The following USP32 variants were observed in gnomAD, a reference collection of about 807,000 sequenced individuals.
USP32 encodes ubiquitin specific peptidase 32, also known as ubiquitin carboxyl-terminal hydrolase 32.
A neutral mutation model predicts 204.8 loss-of-function variants in USP32; 59 were observed. The observed-to-expected ratio is 0.29, with a 90% confidence interval of 0.23 to 0.36. The LOEUF is 0.36. Among genes scored for constraint, USP32 ranks in the 10% least tolerant of loss-of-function variants. The probability of loss-of-function intolerance (pLI) is 1.00; values close to 1 mark genes in which losing one functional copy is unlikely to be tolerated. For synonymous variants in USP32, 517 were observed against 678.4 expected, an observed-to-expected ratio of 0.76 and a Z score of 3.70; for missense variants, 1,160 against 1,946.4, an observed-to-expected ratio of 0.60 and a Z score of 7.60.
At chr17:60,389,331 TGA>T (rs1293371123) in intron 1 of USP32, among the ~76,000 whole-genome samples, 1 of 151,582 alleles carries the variant, frequency 6.6e-6, no homozygotes, top group Non-Finnish European at 1.5e-5. Flanking sequence ...CACCTGTGGT[TGA>T]GAGTTTGAGA....
intron 1 of USP32, among the ~76,000 whole-genome samples, chr17:60,360,096 C>T (rs549584696): frequency 1.3e-5 from 2 of 151,628 alleles, no homozygotes; most frequent in Non-Finnish European, 2.9e-5. Context: ...TCTTGATCTC[C>T]TGACCTCGTG....
At chr17:60,401,045 A>G (rs182402161) in intron 1 of USP32, among the ~76,000 whole-genome samples, 38 of 152,236 alleles carry the variant, frequency 2.5e-4, no homozygotes, top group Admixed American at 2.0e-3. Context: ...AGTCCCAGCT[A>G]CTTAGGAGGC....
intron 2 of USP32, among the ~76,000 whole-genome samples, chr17:60,333,635 A>G (rs9911352): frequency 0.16 from 24,292 of 150,120 alleles, 4,479 homozygotes; most frequent in African/African-American, 0.45. Context: ...TAAGAAAGAA[A>G]GAAGGAAGAA....
At chr17:60,338,102 T>A (rs530808693) in intron 2 of USP32, among the ~76,000 whole-genome samples, 3 of 152,016 alleles carry the variant, frequency 2.0e-5, no homozygotes, top group Non-Finnish European at 4.4e-5. Flanking sequence ...GACAGGCAGA[T>A]AGCTTGAGCC....
intron 1 of USP32, among the ~76,000 whole-genome samples, chr17:60,348,176 C>T (rs999568940): frequency 6.6e-6 from 1 of 150,674 alleles, no homozygotes; most frequent in Non-Finnish European, 1.5e-5. Flanking sequence ...TTTAAGGATA[C>T]TGAATATGGG....
chr17:60,214,796 T>C (rs2085060087), intron 16 of USP32, 22 bp from the exon 17 acceptor site: 1 of 1,613,718 alleles, frequency 6.2e-7, no homozygotes, highest in Non-Finnish European at 8.5e-7. Context: ...GTAATCACAG[T>C]AAGAAAAAAG....
At chr17:60,181,291 C>T (rs779933090) in intron 32 of USP32, 33 bp downstream of exon 32, 28 of 1,578,830 alleles carry the variant, frequency 1.8e-5, no homozygotes, top group Non-Finnish European at 2.3e-5. Context: ...AAACACAGAC[C>T]ACTCTCTGAA....
intron 2 of USP32, among the ~76,000 whole-genome samples, chr17:60,338,940 T>C (rs971298308): frequency 6.6e-6 from 1 of 152,158 alleles, no homozygotes; most frequent in African/African-American, 2.4e-5. Flanking sequence ...GACGGAGTCT[T>C]GCTCTGTTGC....
In USP32 at chr17:60,246,628, C is replaced by T. The variant is rs559761287; in HGVS notation, c.1136+5753G>A. 3.3e-5 allele frequency among the ~76,000 whole-genome samples: 5 copies of T among 152,254 alleles called. No homozygotes were observed. The East Asian group carries it at 9.6e-4, about 29-fold the overall frequency. ...ATTGGGGCACCTCCATACTGTTTTC[C>T]ATATTGACTGTACTAATTTACATTC... On this transcript the variant is annotated intron_variant, in intron 11 of 33. Transcript: ENST00000300896.
chr17:60,369,276 G>A (rs2089389943), intron 1 of USP32, among the ~76,000 whole-genome samples: 1 of 138,066 alleles, frequency 7.2e-6, no homozygotes, highest in African/African-American at 3.4e-5. Context: ...TTACAGGCGT[G>A]AGCCACCGCG....
chr17:60,418,290 A>C (rs2090077920), intron 1 of USP32, among the ~76,000 whole-genome samples: 1 of 149,296 alleles, frequency 6.7e-6, no homozygotes, highest in Non-Finnish European at 1.5e-5. Flanking sequence ...ACAGCATTTC[A>C]CCATCTTGGC....
At chr17:60,355,958 C>T (rs1005225150) in intron 1 of USP32, among the ~76,000 whole-genome samples, 2 of 150,824 alleles carry the variant, frequency 1.3e-5, no homozygotes, top group African/African-American at 4.9e-5. Context: ...TCACCTTCTC[C>T]CCAGCTATGC....
At chr17:60,202,524 G>C (rs113556293) in intron 26 of USP32, among the ~76,000 whole-genome samples, 2,408 of 150,084 alleles carry the variant, frequency 0.016, 53 homozygotes, top group African/African-American at 0.056. Context: ...GTCATCCGTA[G>C]ATTAGTTTGT....
upstream of USP32, chr17:60,392,156 T>TC: frequency 2.0e-6 from 1 of 503,210 alleles, no homozygotes; most frequent in Non-Finnish European, 3.5e-6. Context: ...CCCGCCCCCT[T>TC]CCCCTGCCTC....
chr17:60,403,875 A>T (rs2089955287), intron 1 of USP32, among the ~76,000 whole-genome samples: 1 of 152,024 alleles, frequency 6.6e-6, no homozygotes, highest in Non-Finnish European at 1.5e-5. Flanking sequence ...CTCTATGTCT[A>T]CAAAAAATTA....
chr17:60,356,517 G>A (rs1403173938), intron 1 of USP32, among the ~76,000 whole-genome samples: 1 of 152,160 alleles, frequency 6.6e-6, no homozygotes, highest in Non-Finnish European at 1.5e-5. Context: ...CGCCAAGGCT[G>A]AACTTATAGG....
chr17:60,246,387 G>A (rs1289300100), intron 11 of USP32, among the ~76,000 whole-genome samples: 1 of 151,042 alleles, frequency 6.6e-6, no homozygotes, highest in Non-Finnish European at 1.5e-5. Flanking sequence ...ATTTTATTGT[G>A]TATGTGTGTG....
chr17:60,298,322 A>G (rs2087491004), intron 3 of USP32, among the ~76,000 whole-genome samples: 1 of 152,140 alleles, frequency 6.6e-6, no homozygotes, highest in Admixed American at 6.5e-5. Flanking sequence ...GCTGGAGGCT[A>G]TGTTTCTCAG....
chr17:60,391,313 G>A (rs1038553514), intron 1 of USP32, among the ~76,000 whole-genome samples: 3 of 152,156 alleles, frequency 2.0e-5, no homozygotes, highest in African/African-American at 7.2e-5. Flanking sequence ...ATCAAAGTCA[G>A]CCGCTCAAAC....
Sources: allele counts gnomAD v4.1 joint callset (sites outside exome capture counted in the v4.1 genomes callset), GRCh38; gene constraint gnomAD v4.1.1; transcripts MANE v1.5; gene names NCBI Gene and HGNC (gene_info 2026-07-23, HGNC 2026-07-21).